ITGB3BP: variants seen among roughly 807,000 people sequenced by gnomAD.
The protein encoded by ITGB3BP is integrin subunit beta 3 binding protein, also known as centromere protein R.
Under a neutral mutation model 29.1 loss-of-function variants are expected in ITGB3BP, and 27 were observed. That is an observed-to-expected ratio of 0.93 (90% CI 0.68 to 1.28). ITGB3BP has a LOEUF of 1.28. Among genes scored for constraint, ITGB3BP ranks in the 50% most tolerant of loss-of-function variants. The pLI is 0.00. For missense variants in ITGB3BP, 192 were observed against 200.2 expected (o/e 0.96, Z 0.25); for synonymous variants, 61 against 61.4 (o/e 0.99, Z 0.03).
intron 4 of ITGB3BP, among the ~76,000 whole-genome samples, chr1:63,470,633 A>G (rs1390220974): frequency 6.6e-6 from 1 of 152,240 alleles, no homozygotes; most frequent in East Asian, 1.9e-4. Flanking sequence ...GATAAATACC[A>G]TAATTTGTTT....
At chr1:63,461,185 C>T (rs760313873) in intron 4 of ITGB3BP, among the ~76,000 whole-genome samples, 95 of 131,846 alleles carry the variant, frequency 7.2e-4, no homozygotes, top group Admixed American at 1.8e-4. Context: ...ACCCGGGAGG[C>T]GGAGCTTGCA....
chr1:63,498,672 C>T (rs906484315), intron 2 of ITGB3BP, among the ~76,000 whole-genome samples: 3 of 150,110 alleles, frequency 2.0e-5, no homozygotes, highest in Non-Finnish European at 4.4e-5. Context: ...CAAACTAAAC[C>T]CAAGGCAAGC....
chr1:63,517,638 G>A (rs1646363244), intron 1 of ITGB3BP, among the ~76,000 whole-genome samples: 1 of 152,080 alleles, frequency 6.6e-6, no homozygotes, highest in Non-Finnish European at 1.5e-5. Flanking sequence ...TTGCTAAATT[G>A]TTCTGAAAAT....
rs1284190252 is a variant in ITGB3BP, at chr1:63,504,297, T to G, written c.48+4231A>C. Among the ~76,000 whole-genome samples the G allele has an allele frequency of 2.0e-5, 3 of 151,970 alleles. 1 individual carries two copies. Among genetic ancestry groups the G allele is most frequent in the African/African-American group, 7.3e-5 (3 of 41,224 alleles). ...GCAATTGTGAATGGGAGTTCACTCA[T>G]GATTTGGCTCTGTTTGTCTGTTATT... On this transcript the variant is annotated intron_variant, in intron 2 of 8. Coordinates refer to ENST00000271002, the MANE Select transcript of ITGB3BP (RefSeq NM_014288.5).
At chr1:63,512,879 T>A (rs919906190) in intron 1 of ITGB3BP, among the ~76,000 whole-genome samples, 1 of 152,230 alleles carries the variant, frequency 6.6e-6, no homozygotes, top group Non-Finnish European at 1.5e-5. Flanking sequence ...CAAATTCACA[T>A]TCCATGTGAC....
chr1:63,519,045 A>G (rs1157455789), intron 1 of ITGB3BP, among the ~76,000 whole-genome samples: 1 of 152,174 alleles, frequency 6.6e-6, no homozygotes, highest in African/African-American at 2.4e-5. Flanking sequence ...TTATGTCTAC[A>G]TATAACCCCA....
rs971152870 is a variant in ITGB3BP, at chr1:63,471,849, A to G, written c.254+6915T>C. On this transcript the variant is annotated intron_variant, in intron 4 of 8. Coordinates refer to ENST00000271002, the MANE Select transcript of ITGB3BP (RefSeq NM_014288.5). ...ACCCAGGCTGGAGTGCAGTGGCACC[A>G]TCTCGGCTCACTGCAAGCTCCGCCT... Among the ~76,000 whole-genome samples, 3 of 151,924 alleles carry G rather than the reference A, an allele frequency of 2.0e-5. No homozygotes were observed. In the East Asian group the frequency reaches 5.8e-4, roughly 30 times the overall value.
intron 4 of ITGB3BP, among the ~76,000 whole-genome samples, chr1:63,455,518 C>G (rs1229539202): frequency 6.6e-6 from 1 of 151,930 alleles, no homozygotes; most frequent in African/African-American, 2.4e-5. Flanking sequence ...GATCATGGCT[C>G]ACTGCAGCCT....
rs760749533 is a variant in ITGB3BP at position 63,455,093 on chromosome 1, A to T, written c.255-125T>A. On this transcript the variant is annotated intron_variant, in intron 4 of 8. Transcript: ENST00000271002. ...GGTTCTTTCATTCTTTACAAACACA[A>T]TATATATTATCAACTGTCCCCTCTT... The T allele has an allele frequency of 1.8e-5, 10 of 564,304 alleles. No homozygotes were observed. In the South Asian group the frequency reaches 2.4e-4, roughly 14 times the overall value. The allele number at this position is 564,304 out of a possible 1,614,324, so 35.0% of individuals were successfully genotyped here.
At chr1:63,490,519 T>C (rs6588043) in intron 2 of ITGB3BP, among the ~76,000 whole-genome samples, 51,447 of 151,990 alleles carry the variant, frequency 0.34, 8,938 homozygotes, top group East Asian at 0.48. Flanking sequence ...CTCCCAACCA[T>C]ACCCTGACTT....
chr1:63,470,636 A>C (rs1392935110), intron 4 of ITGB3BP, among the ~76,000 whole-genome samples: 1 of 152,162 alleles, frequency 6.6e-6, no homozygotes, highest in Non-Finnish European at 1.5e-5. Context: ...AAATACCATA[A>C]TTTGTTTATC....
intron 1 of ITGB3BP, among the ~76,000 whole-genome samples, chr1:63,510,543 G>A (rs1274051997): frequency 1.3e-5 from 2 of 152,110 alleles, no homozygotes. Flanking sequence ...TGAGGGTAGT[G>A]TACTATTCAG....
chr1:63,508,563 T>C lies in ITGB3BP; in HGVS notation c.13A>G (p.Arg5Gly). ...AACAGACCATCCAACTTCAGTGATC[T>C]TTTAACACTACAAACAAAAAATTTA... MPVK[R>G]SLKLDGLLEE... The change falls in exon 2 of 9, where the codon AGA becomes GGA. Residue 5 changes from arginine to glycine, a missense_variant. Coordinates refer to ENST00000271002, the MANE Select transcript of ITGB3BP (RefSeq NM_014288.5). 6 of 1,399,162 alleles carry C rather than the reference T, an allele frequency of 4.3e-6. No homozygotes were observed. Among genetic ancestry groups the C allele is most frequent in the Non-Finnish European group, 5.8e-6 (6 of 1,028,654 alleles). 86.7% of individuals were successfully genotyped at this position (1,399,162 alleles called of 1,614,324 possible).
intron 4 of ITGB3BP, among the ~76,000 whole-genome samples, chr1:63,455,578 G>A (rs978758509): frequency 4.6e-5 from 7 of 152,054 alleles, no homozygotes; most frequent in African/African-American, 1.7e-4. Context: ...CCAAAGCACT[G>A]TGATTACAGG....
intron 1 of ITGB3BP, among the ~76,000 whole-genome samples, chr1:63,520,966 C>T (rs551446405): frequency 1.7e-4 from 26 of 152,220 alleles, no homozygotes; most frequent in African/African-American, 4.3e-4. Flanking sequence ...TTCATCCATC[C>T]GCTCTATTGT....
At chr1:63,525,831 T>C, upstream of ITGB3BP, 1 of 1,045,542 alleles carries the variant, frequency 9.6e-7, no homozygotes. Context: ...AAGACTGAAA[T>C]TAGAATTACC....
intron 2 of ITGB3BP, among the ~76,000 whole-genome samples, chr1:63,491,444 A>G (rs1217847003): frequency 6.6e-6 from 1 of 152,196 alleles, no homozygotes; most frequent in Admixed American, 6.5e-5. Flanking sequence ...GAAATCTGAA[A>G]TAAGAGGTGG....
At chr1:63,445,367 A>G (rs1473916189) in intron 8 of ITGB3BP, among the ~76,000 whole-genome samples, 1 of 136,468 alleles carries the variant, frequency 7.3e-6, no homozygotes, top group African/African-American at 3.4e-5. Flanking sequence ...ACAACAGAAT[A>G]TAAGCTATTG....
At chr1:63,450,135 A>C (rs986461723) in intron 7 of ITGB3BP, among the ~76,000 whole-genome samples, 2 of 151,972 alleles carry the variant, frequency 1.3e-5, no homozygotes, top group Non-Finnish European at 2.9e-5. Flanking sequence ...TAAAGAATAC[A>C]GGAACATTGT....
Sources: allele counts gnomAD v4.1 joint callset (sites outside exome capture counted in the v4.1 genomes callset), GRCh38; gene constraint gnomAD v4.1.1; transcripts MANE v1.5; gene names NCBI Gene and HGNC (gene_info 2026-07-23, HGNC 2026-07-21).